Variants in CHMP3 observed in about 807,000 individuals in gnomAD.
CHMP3 encodes the protein charged multivesicular body protein 3, also known as 25.1 protein.
CHMP3 carries 8 observed loss-of-function variants against 27.4 expected under a neutral mutation model. That is an observed-to-expected ratio of 0.29 (90% CI 0.17 to 0.53). CHMP3 has a LOEUF of 0.53. Ranked by LOEUF, CHMP3 falls within the 20% of genes least tolerant of loss-of-function variation. The pLI is 0.96. For synonymous variants in CHMP3, 86 were observed against 85.5 expected, an observed-to-expected ratio of 1.01 and a Z score of -0.03; for missense variants, 208 against 271.5, an observed-to-expected ratio of 0.77 and a Z score of 1.64.
intron 1 of CHMP3, among the ~76,000 whole-genome samples, chr2:86,556,858 C>T (rs370637320): frequency 1.4e-4 from 21 of 152,158 alleles, no homozygotes; most frequent in African/African-American, 5.1e-4. Context: ...TGAGTGTATT[C>T]TTTCATCCGT....
intron 2 of CHMP3, among the ~76,000 whole-genome samples, chr2:86,531,205 C>T (rs539587220): frequency 1.2e-4 from 18 of 151,594 alleles, no homozygotes; most frequent in Non-Finnish European, 2.2e-4. Flanking sequence ...GATGGGGTTT[C>T]GCCACGTTGC....
chr2:86,535,464 G>A (rs999326078), intron 2 of CHMP3, among the ~76,000 whole-genome samples: 12 of 151,902 alleles, frequency 7.9e-5, no homozygotes, highest in African/African-American at 2.9e-4. Context: ...GATACCATGA[G>A]GATTATGCTT....
intron 1 of CHMP3, among the ~76,000 whole-genome samples, chr2:86,562,487 A>G (rs1007437631): frequency 6.6e-6 from 1 of 152,196 alleles, no homozygotes; most frequent in Non-Finnish European, 1.5e-5. Context: ...TTAAAGAATT[A>G]GCCCTAACTA....
intron 3 of CHMP3, 84 bp from the exon 4 acceptor site, chr2:86,510,563 G>T: frequency 2.6e-6 from 4 of 1,557,202 alleles, no homozygotes; most frequent in Non-Finnish European, 3.5e-6. Context: ...TCCAATAAAT[G>T]ACAGCAGTAG....
intron 1 of CHMP3, among the ~76,000 whole-genome samples, chr2:86,552,378 G>A (rs1676942493): frequency 6.6e-6 from 1 of 152,130 alleles, no homozygotes; most frequent in Admixed American, 6.5e-5. Flanking sequence ...AATAGCCCCA[G>A]CTAATAAGGG....
intron 3 of CHMP3, among the ~76,000 whole-genome samples, chr2:86,524,722 T>C (rs957686182): frequency 6.6e-6 from 1 of 152,078 alleles, no homozygotes; most frequent in Non-Finnish European, 1.5e-5. Flanking sequence ...CAGAGGAAAA[T>C]ATAGGGACTA....
chr2:86,534,695 T>A (rs1262126983), intron 2 of CHMP3, among the ~76,000 whole-genome samples: 1 of 152,228 alleles, frequency 6.6e-6, no homozygotes, highest in African/African-American at 2.4e-5. Flanking sequence ...CTGTATTTAA[T>A]CTTTAATTAA....
At chr2:86,544,298 G>A (rs1329066464) in intron 1 of CHMP3, among the ~76,000 whole-genome samples, 1 of 150,164 alleles carries the variant, frequency 6.7e-6, no homozygotes, top group Non-Finnish European at 1.5e-5. Flanking sequence ...ATAGCTGTCT[G>A]CTGAGTGTGA....
chr2:86,517,703 G>A (rs1032049818), intron 3 of CHMP3, among the ~76,000 whole-genome samples: 2 of 151,960 alleles, frequency 1.3e-5, no homozygotes, highest in African/African-American at 4.8e-5. Flanking sequence ...AGGCTCTCAT[G>A]GGAATTACAG....
At chr2:86,544,068 C>A (rs1348417489) in intron 1 of CHMP3, among the ~76,000 whole-genome samples, 1 of 152,144 alleles carries the variant, frequency 6.6e-6, no homozygotes, top group South Asian at 2.1e-4. Flanking sequence ...GTTAACTTTT[C>A]GTTTCTGGTT....
chr2:86,529,997 T>C (rs1403423317), intron 2 of CHMP3, among the ~76,000 whole-genome samples: 1 of 152,050 alleles, frequency 6.6e-6, no homozygotes, highest in Admixed American at 6.6e-5. Flanking sequence ...CCGAACTCTT[T>C]TTTTTTTATT....
intron 3 of CHMP3, chr2:86,512,584 A>AAGGC (rs1306136453): frequency 3.3e-5 from 5 of 152,190 alleles, no homozygotes; most frequent in Non-Finnish European, 5.9e-5. Context: ...AAAGAATGAA[A>AAGGC]AGGCAAGCCC....
At chr2:86,553,402 G>A (rs1451005019) in intron 1 of CHMP3, among the ~76,000 whole-genome samples, 4 of 152,082 alleles carry the variant, frequency 2.6e-5, no homozygotes, top group African/African-American at 4.8e-5. Flanking sequence ...CACAATCTAG[G>A]CTCACTGCAA....
chr2:86,556,560 T>C (rs1677129745), intron 1 of CHMP3, among the ~76,000 whole-genome samples: 1 of 152,158 alleles, frequency 6.6e-6, no homozygotes, highest in Non-Finnish European at 1.5e-5. Flanking sequence ...TTCTCTTACC[T>C]GGGAGATGTA....
At chr2:86,516,146 CAAAAAAAAAA>C (rs35800757) in intron 3 of CHMP3, among the ~76,000 whole-genome samples, 2 of 83,686 alleles carry the variant, frequency 2.4e-5, no homozygotes, top group African/African-American at 1.3e-4. Flanking sequence ...GACTCCATCT[CAAAAAAAAAA>C]AAAAAAAAGA....
At chr2:86,563,136 C>T (rs1677455180) in intron 1 of CHMP3, 168 bp downstream of exon 1, 2 of 712,178 alleles carry the variant, frequency 2.8e-6, no homozygotes, top group African/African-American at 1.8e-5. Context: ...GTCCCACAGC[C>T]GACTCCTAAA....
chr2:86,554,831 G>GTGTGTGTC (rs1408234092), intron 1 of CHMP3, among the ~76,000 whole-genome samples: 1 of 146,350 alleles, frequency 6.8e-6, no homozygotes, highest in Non-Finnish European at 1.5e-5. Flanking sequence ...GTGTGTGTGT[G>GTGTGTGTC]TGTGTGTGTG....
intron 1 of CHMP3, among the ~76,000 whole-genome samples, chr2:86,554,925 C>T (rs1677061705): frequency 1.3e-5 from 2 of 150,464 alleles, no homozygotes; most frequent in South Asian, 2.1e-4. Context: ...CGGCTCACTG[C>T]GACCTCTGCC....
chr2:86,549,863 A>AGAGGCGCTCCTCGCCTCCCAGATGGGGCG (rs1558660679), intron 1 of CHMP3, among the ~76,000 whole-genome samples: 1 of 138,950 alleles, frequency 7.2e-6, no homozygotes, highest in Admixed American at 7.2e-5. Flanking sequence ...CAGATGGGGC[A>AGAGGCGCTCCTCGCCTCCCAGATGGGGCG]GCCGGGCAGA....
Sources: gnomAD v4.1 joint callset for allele counts (sites outside exome capture counted in the v4.1 genomes callset) on GRCh38, gnomAD v4.1.1 for gene constraint, MANE v1.5 for transcripts, NCBI Gene and HGNC (gene_info 2026-07-23, HGNC 2026-07-21) for gene names.